PPARGC1A: variants seen among roughly 807,000 people sequenced by gnomAD.
PPARGC1A encodes peroxisome proliferator-activated receptor gamma coactivator 1-alpha.
In PPARGC1A, 25 loss-of-function variants were observed where a neutral mutation model predicts 88.7. The ratio of observed to expected loss-of-function variants is 0.28; its 90% CI spans 0.21 to 0.39. PPARGC1A has a LOEUF of 0.39. Among genes scored for constraint, PPARGC1A ranks in the 10% least tolerant of loss-of-function variants. The probability of loss-of-function intolerance (pLI) is 1.00; values close to 1 mark genes in which losing one functional copy is unlikely to be tolerated. For missense variants in PPARGC1A, 880 were observed against 968.7 expected (o/e 0.91, Z 1.22); for synonymous variants, 363 against 355.6 (o/e 1.02, Z -0.24).
chr4:23,947,714 A>G, the PPARGC1A span, among the ~76,000 whole-genome samples: 2 of 152,100 alleles, frequency 1.3e-5, no homozygotes, highest in East Asian at 3.9e-4. Context: ...TCCATGCCCA[A>G]CACAAGAGCT....
At chr4:24,364,297 T>C in the PPARGC1A span, among the ~76,000 whole-genome samples, 1 of 152,220 alleles carries the variant, frequency 6.6e-6, no homozygotes, top group Non-Finnish European at 1.5e-5. Flanking sequence ...GACCCTTTTC[T>C]CTATGAATTA....
chr4:23,900,840 A>G (rs1719247148), upstream of PPARGC1A, among the ~76,000 whole-genome samples: 1 of 152,242 alleles, frequency 6.6e-6, no homozygotes, highest in African/African-American at 2.4e-5. Context: ...AGAGACCAGA[A>G]GCAGCAAGTG....
At chr4:23,876,340 T>C (rs994598228) in intron 2 of PPARGC1A, among the ~76,000 whole-genome samples, 6 of 152,252 alleles carry the variant, frequency 3.9e-5, no homozygotes, top group Non-Finnish European at 7.3e-5. Context: ...GAAATGTTAC[T>C]GTTCTCTGAT....
intron 2 of PPARGC1A, among the ~76,000 whole-genome samples, chr4:23,839,875 G>A (rs1053278450): frequency 1.3e-4 from 20 of 151,820 alleles, no homozygotes; most frequent in Non-Finnish European, 2.2e-4. Context: ...TCACTATCAC[G>A]ACAACAGCAC....
At chr4:24,203,526 T>C in the PPARGC1A span, among the ~76,000 whole-genome samples, 1 of 151,384 alleles carries the variant, frequency 6.6e-6, no homozygotes, top group Admixed American at 6.6e-5. Flanking sequence ...TTGAAGAAAG[T>C]GAAGCAAAAG....
At chr4:24,352,677 G>A in the PPARGC1A span, among the ~76,000 whole-genome samples, 4 of 152,176 alleles carry the variant, frequency 2.6e-5, no homozygotes, top group South Asian at 2.1e-4. Context: ...ATCCCCAAAC[G>A]TCCCACTGCC....
At chr4:24,004,163 C>T in the PPARGC1A span, among the ~76,000 whole-genome samples, 2 of 152,132 alleles carry the variant, frequency 1.3e-5, no homozygotes, top group South Asian at 2.1e-4. Context: ...GTTGCTATAG[C>T]AGATTAAGAA....
At chr4:23,843,871 C>T (rs1727501592) in intron 2 of PPARGC1A, among the ~76,000 whole-genome samples, 1 of 151,938 alleles carries the variant, frequency 6.6e-6, no homozygotes. Context: ...ATATCTATAC[C>T]TGACACACCC....
chr4:24,232,427 C>T, the PPARGC1A span, among the ~76,000 whole-genome samples: 1 of 152,186 alleles, frequency 6.6e-6, no homozygotes, highest in African/African-American at 2.4e-5. Context: ...GTCCAACTTC[C>T]TTTGGACTGG....
At chr4:24,185,970 A>G in the PPARGC1A span, among the ~76,000 whole-genome samples, 1 of 152,058 alleles carries the variant, frequency 6.6e-6, no homozygotes, top group African/African-American at 2.4e-5. Context: ...ACTTACACAT[A>G]TTTGGAAAGG....
the PPARGC1A span, among the ~76,000 whole-genome samples, chr4:24,139,355 A>C: frequency 6.7e-6 from 1 of 150,070 alleles, no homozygotes; most frequent in Non-Finnish European, 1.5e-5. Flanking sequence ...GGATGGTCTC[A>C]ATCTCCTGAC....
At chr4:24,303,827 C>T in the PPARGC1A span, among the ~76,000 whole-genome samples, 1 of 152,142 alleles carries the variant, frequency 6.6e-6, no homozygotes, top group Non-Finnish European at 1.5e-5. Flanking sequence ...GTTTCTGGTG[C>T]CTTTTAAACC....
chr4:24,114,631 G>T, the PPARGC1A span, among the ~76,000 whole-genome samples: 1 of 152,114 alleles, frequency 6.6e-6, no homozygotes, highest in African/African-American at 2.4e-5. Flanking sequence ...TTTACGCAGG[G>T]TTGAATATAT....
the PPARGC1A span, among the ~76,000 whole-genome samples, chr4:24,464,564 C>T: frequency 6.6e-6 from 1 of 152,198 alleles, no homozygotes; most frequent in African/African-American, 2.4e-5. Context: ...ACACAACCAA[C>T]ACACTTTCTA....
At chr4:23,850,369 T>G (rs570984463) in intron 2 of PPARGC1A, among the ~76,000 whole-genome samples, 1 of 152,340 alleles carries the variant, frequency 6.6e-6, no homozygotes, top group Non-Finnish European at 1.5e-5. Context: ...GTGACAGTGC[T>G]CAGAGTAATA....
the PPARGC1A span, among the ~76,000 whole-genome samples, chr4:24,389,788 T>C: frequency 6.6e-6 from 1 of 152,112 alleles, no homozygotes; most frequent in South Asian, 2.1e-4. Context: ...ACCCATTAGA[T>C]AGCTCAAGAA....
the PPARGC1A span, among the ~76,000 whole-genome samples, chr4:23,918,802 GCTCTGGAAAAGTA>G: frequency 2.4e-4 from 37 of 152,110 alleles, no homozygotes; most frequent in African/African-American, 8.4e-4. Flanking sequence ...TCATTCCAGG[GCTCTGGAAAAGTA>G]CTGCAATTAA....
chr4:24,157,209 C>T, the PPARGC1A span, among the ~76,000 whole-genome samples: 4 of 152,138 alleles, frequency 2.6e-5, no homozygotes, highest in Admixed American at 2.0e-4. Context: ...CCATTTTGTT[C>T]CCAAGAAAAG....
At chr4:24,466,985 A>AGGAG in the PPARGC1A span, among the ~76,000 whole-genome samples, 79,374 of 135,270 alleles carry the variant, frequency 0.59, 23,645 homozygotes, top group African/African-American at 0.65. Context: ...AAAGAAAGAA[A>AGGAG]GGAGGGAGGG....
Sources: gnomAD v4.1 joint callset for allele counts (sites outside exome capture counted in the v4.1 genomes callset) on GRCh38, gnomAD v4.1.1 for gene constraint, MANE v1.5 for transcripts, NCBI Gene and HGNC (gene_info 2026-07-23, HGNC 2026-07-21) for gene names.